The following RAB28 variants were observed in gnomAD, a reference collection of about 807,000 sequenced individuals.
RAB28 encodes RAB28, member RAS oncogene family, also known as ras-related protein Rab-28.
In RAB28, 24 loss-of-function variants were observed where a neutral mutation model predicts 31.7. The observed-to-expected ratio is 0.76, with a 90% confidence interval of 0.55 to 1.06. RAB28 has a LOEUF of 1.06. Ranked by LOEUF, RAB28 falls within the 50% of genes least tolerant of loss-of-function variation. The pLI, the probability that RAB28 is intolerant of heterozygous loss-of-function variation, is 0.00. For synonymous variants in RAB28, 100 were observed against 90.4 expected (o/e 1.11, Z -0.60); for missense variants, 254 against 258.5 (o/e 0.98, Z 0.12).
chr4:13,404,652 A>G (rs1186948760), intron 4 of RAB28, among the ~76,000 whole-genome samples: 6 of 152,160 alleles, frequency 3.9e-5, no homozygotes, highest in Non-Finnish European at 5.9e-5. Flanking sequence ...TCCATTGCAA[A>G]GAATTCAGTT....
At chr4:13,420,925 A>G (rs1013265002) in intron 4 of RAB28, among the ~76,000 whole-genome samples, 2 of 152,206 alleles carry the variant, frequency 1.3e-5, no homozygotes, top group African/African-American at 4.8e-5. Context: ...CAAGAGAAAG[A>G]AATATAGGGT....
intron 4 of RAB28, among the ~76,000 whole-genome samples, chr4:13,407,274 C>G (rs1169018499): frequency 6.6e-6 from 1 of 152,154 alleles, no homozygotes; most frequent in Non-Finnish European, 1.5e-5. Flanking sequence ...ATCCTTTCCC[C>G]ATTACTTGTT....
Position 13,460,924 on chromosome 4 carries a change from T to C in RAB28, c.262-96A>G, listed in dbSNP as rs191867230. On this transcript the variant is annotated intron_variant, in intron 3 of 6. Transcript: ENST00000330852. ...AATGCTTCAGATATGTCAAAATGGG[T>C]ATAAAAATACAAATGTGTAGTGTTT... is the stretch of plus-strand genomic sequence containing the variant. 12 of 1,174,624 alleles carry C rather than the reference T, an allele frequency of 1.0e-5. No individual in the cohort carries two copies. In the African/African-American group the frequency reaches 1.2e-4, roughly 12 times the overall value. 72.8% of individuals were successfully genotyped at this position (1,174,624 alleles called of 1,614,324 possible). A position where few individuals can be genotyped will look rare whatever the true frequency, so the allele number is the denominator to read the frequency against.
chr4:13,446,958 C>G (rs1441214047), intron 4 of RAB28, among the ~76,000 whole-genome samples: 1 of 152,186 alleles, frequency 6.6e-6, no homozygotes, highest in Non-Finnish European at 1.5e-5. Flanking sequence ...TTCCTCTTAA[C>G]AGTTTTACTC....
intron 4 of RAB28, among the ~76,000 whole-genome samples, chr4:13,382,693 A>ATTTTT (rs35120402): frequency 1.4e-5 from 1 of 73,902 alleles, no homozygotes; most frequent in East Asian, 4.0e-4. Flanking sequence ...AAAATATGGA[A>ATTTTT]TTTTTTTTTT....
At chr4:13,423,155 T>C (rs1048983878) in intron 4 of RAB28, among the ~76,000 whole-genome samples, 4 of 152,158 alleles carry the variant, frequency 2.6e-5, no homozygotes, top group Non-Finnish European at 5.9e-5. Flanking sequence ...TTGTGGACTC[T>C]AGATCAGGTG....
intron 4 of RAB28, among the ~76,000 whole-genome samples, chr4:13,423,312 G>T (rs79607928): frequency 6.6e-6 from 1 of 152,024 alleles, no homozygotes; most frequent in African/African-American, 2.4e-5. Flanking sequence ...AAGGAGGGTG[G>T]ATCGCCTGAG....
intron 4 of RAB28, among the ~76,000 whole-genome samples, chr4:13,429,730 T>C (rs1456617665): frequency 1.3e-5 from 2 of 152,192 alleles, no homozygotes; most frequent in African/African-American, 4.8e-5. Flanking sequence ...TTCAACACAG[T>C]ACCAATCAAA....
At chr4:13,398,657 A>G (rs1483497491) in intron 4 of RAB28, among the ~76,000 whole-genome samples, 4 of 152,036 alleles carry the variant, frequency 2.6e-5, no homozygotes, top group African/African-American at 9.7e-5. Context: ...GGGCGCCTGT[A>G]GTCCCAGCTA....
chr4:13,421,274 G>A (rs987021477), intron 4 of RAB28, among the ~76,000 whole-genome samples: 2 of 152,084 alleles, frequency 1.3e-5, no homozygotes, highest in African/African-American at 4.8e-5. Context: ...ACAAATGGAA[G>A]AACAATCCAT....
intron 1 of RAB28, among the ~76,000 whole-genome samples, chr4:13,483,860 AG>A (rs1716735143): frequency 1.3e-5 from 2 of 152,218 alleles, no homozygotes; most frequent in South Asian, 2.1e-4. Context: ...GCGGGGAGTT[AG>A]GAAGTGACTC....
intron 3 of RAB28, among the ~76,000 whole-genome samples, chr4:13,468,508 T>G (rs779732549): frequency 6.6e-6 from 1 of 151,146 alleles, no homozygotes; most frequent in Non-Finnish European, 1.5e-5. Context: ...AAAATAATTT[T>G]AAAATAGTTT....
chr4:13,452,721 T>A (rs1318994362), intron 4 of RAB28, among the ~76,000 whole-genome samples: 1 of 152,054 alleles, frequency 6.6e-6, no homozygotes, highest in Non-Finnish European at 1.5e-5. Flanking sequence ...CTGGTGCTGA[T>A]GGAAAGAAGG....
At chr4:13,447,520 C>A (rs1343958652) in intron 4 of RAB28, among the ~76,000 whole-genome samples, 1 of 152,150 alleles carries the variant, frequency 6.6e-6, no homozygotes, top group Non-Finnish European at 1.5e-5. Context: ...TTTACTTACA[C>A]TGCAAAACTA....
intron 2 of RAB28, among the ~76,000 whole-genome samples, chr4:13,478,338 T>C (rs1416616959): frequency 6.6e-6 from 1 of 151,618 alleles, no homozygotes; most frequent in Non-Finnish European, 1.5e-5. Flanking sequence ...GAATTCTTTT[T>C]TTTCTCATGG....
intron 4 of RAB28, among the ~76,000 whole-genome samples, chr4:13,445,049 C>T (rs1336436197): frequency 1.3e-5 from 2 of 151,974 alleles, no homozygotes; most frequent in African/African-American, 4.8e-5. Context: ...ATACATAGTA[C>T]CATATTTCTT....
intron 4 of RAB28, among the ~76,000 whole-genome samples, chr4:13,415,749 G>T (rs542354029): frequency 1.3e-5 from 2 of 152,108 alleles, no homozygotes; most frequent in African/African-American, 4.8e-5. Context: ...CAATGACCAC[G>T]CAAAGGCTGA....
chr4:13,391,175 C>T (rs187512878), intron 4 of RAB28, among the ~76,000 whole-genome samples: 3 of 152,226 alleles, frequency 2.0e-5, no homozygotes, highest in African/African-American at 7.2e-5. Context: ...GGACTAATAT[C>T]CAGAATCTAC....
chr4:13,442,788 T>A (rs951498223), intron 4 of RAB28, among the ~76,000 whole-genome samples: 7 of 152,142 alleles, frequency 4.6e-5, no homozygotes, highest in African/African-American at 1.4e-4. Context: ...CTTACAATAA[T>A]TTCCTTATGA....
Sources: allele counts gnomAD v4.1 joint callset (sites outside exome capture counted in the v4.1 genomes callset), GRCh38; gene constraint gnomAD v4.1.1; transcripts MANE v1.5; gene names NCBI Gene and HGNC (gene_info 2026-07-23, HGNC 2026-07-21).